Variants in EYS observed in about 807,000 individuals in gnomAD.
EYS encodes EGF-like photoreceptor maintenance factor.
A neutral mutation model predicts 282.1 loss-of-function variants in EYS; 250 were observed. The observed-to-expected ratio is 0.89, with a 90% CI of 0.80 to 0.98. The LOEUF is 0.98. Ranked by LOEUF, EYS falls within the 50% of genes least tolerant of loss-of-function variation. EYS has a pLI of 0.00. For missense variants in EYS, 4,016 were observed against 3,709.0 expected, an observed-to-expected ratio of 1.08 and a Z score of -2.15; for synonymous variants, 1,355 against 1,282.9, an observed-to-expected ratio of 1.06 and a Z score of -1.20.
intron 14 of EYS, among the ~76,000 whole-genome samples, chr6:64,956,776 A>T (rs1164340435): frequency 2.0e-5 from 3 of 152,146 alleles, no homozygotes. Flanking sequence ...ATGGGCAAAA[A>T]ATTTCAACAG....
At chr6:64,808,731 C>T (rs763680343) in intron 22 of EYS, among the ~76,000 whole-genome samples, 145 of 152,098 alleles carry the variant, frequency 9.5e-4, no homozygotes, top group Middle Eastern at 3.4e-3. Context: ...ATCTACCTAT[C>T]TTTCAAAATT....
At chr6:64,071,600 AT>A (rs1771582847) in intron 32 of EYS, among the ~76,000 whole-genome samples, 1 of 149,578 alleles carries the variant, frequency 6.7e-6, no homozygotes, top group Non-Finnish European at 1.5e-5. Context: ...TTAAAGAATA[AT>A]TTTTAAAAGG....
At chr6:65,159,090 T>A (rs1443657624) in intron 12 of EYS, among the ~76,000 whole-genome samples, 1 of 150,888 alleles carries the variant, frequency 6.6e-6, no homozygotes, top group African/African-American at 2.4e-5. Flanking sequence ...TTGGGATCTG[T>A]CTTTTATGTT....
intron 2 of EYS, among the ~76,000 whole-genome samples, chr6:65,526,730 C>T (rs868527852): frequency 9.2e-5 from 14 of 152,198 alleles, no homozygotes; most frequent in Middle Eastern, 3.4e-3. Context: ...GGCGTGAACT[C>T]GGAAGGCGAA....
At chr6:65,622,801 A>T (rs1766563120) in intron 2 of EYS, among the ~76,000 whole-genome samples, 1 of 150,154 alleles carries the variant, frequency 6.7e-6, no homozygotes, top group South Asian at 2.1e-4. Context: ...TCTGTCACCC[A>T]GGCAGGAGTA....
intron 19 of EYS, among the ~76,000 whole-genome samples, chr6:64,865,880 G>A (rs1392684813): frequency 6.6e-6 from 1 of 152,046 alleles, no homozygotes; most frequent in Non-Finnish European, 1.5e-5. Flanking sequence ...TGGATTGGAT[G>A]TGGGAATGAA....
chr6:63,895,114 T>G (rs1004545747), intron 35 of EYS, among the ~76,000 whole-genome samples: 4 of 149,348 alleles, frequency 2.7e-5, no homozygotes, highest in African/African-American at 9.9e-5. Context: ...ACCCTCACTG[T>G]CTTGCCTTTC....
intron 2 of EYS, among the ~76,000 whole-genome samples, chr6:65,623,628 G>A (rs1305264028): frequency 6.6e-6 from 1 of 152,060 alleles, no homozygotes; most frequent in South Asian, 2.1e-4. Flanking sequence ...AGCGATAAAA[G>A]GTTAGCCTGG....
intron 31 of EYS, among the ~76,000 whole-genome samples, chr6:64,161,369 A>C (rs757482526): frequency 4.6e-5 from 7 of 152,192 alleles, no homozygotes; most frequent in Non-Finnish European, 7.4e-5. Context: ...AAGGGGAAGC[A>C]AATGTTTTTC....
chr6:65,250,487 G>A (rs917017170), intron 12 of EYS, among the ~76,000 whole-genome samples: 14 of 151,882 alleles, frequency 9.2e-5, no homozygotes, highest in African/African-American at 3.1e-4. Flanking sequence ...CTAGTGAGCA[G>A]AGTAGATTTT....
At chr6:64,176,499 T>TTGTGTGTGTG (rs111683045) in intron 31 of EYS, among the ~76,000 whole-genome samples, 1 of 147,064 alleles carries the variant, frequency 6.8e-6, no homozygotes, top group East Asian at 2.0e-4. Flanking sequence ...CATATCACGA[T>TTGTGTGTGTG]TGTGTGTGTG....
chr6:64,168,058 C>T (rs879468268), intron 31 of EYS, among the ~76,000 whole-genome samples: 5 of 152,178 alleles, frequency 3.3e-5, no homozygotes, highest in Middle Eastern at 6.8e-3. Context: ...GTGAGGAGAT[C>T]GAGACCATCC....
In EYS at chr6:65,661,812, G is replaced by T. The variant is rs553654002; in HGVS notation, c.-447-21920C>A. Among the ~76,000 whole-genome samples, 4 of 152,224 alleles carry T rather than the reference G, an allele frequency of 2.6e-5. 1 individual carries two copies. The highest frequency in any genetic ancestry group is 9.6e-5 in the African/African-American group (4 of 41,572). ...AAGGAACAATACACAGTCTGGTTTGGTTAGAGAATAGAATACAAAATGGCA... is the reference window on the plus strand; with the variant it reads ...AAGGAACAATACACAGTCTGGTTTGTTTAGAGAATAGAATACAAAATGGCA... On this transcript the variant is annotated intron_variant, in intron 1 of 42. Coordinates refer to ENST00000503581, the MANE Select transcript of EYS (RefSeq NM_001142800.2).
chr6:65,013,553 G>T (rs183149236), intron 13 of EYS, among the ~76,000 whole-genome samples: 158 of 152,280 alleles, frequency 1.0e-3, no homozygotes, highest in Non-Finnish European at 1.5e-3. Flanking sequence ...CACCACTAGT[G>T]TACATACCCC....
chr6:65,243,010 C>T (rs1049764940), intron 12 of EYS, among the ~76,000 whole-genome samples: 2 of 151,860 alleles, frequency 1.3e-5, no homozygotes, highest in Non-Finnish European at 2.9e-5. Flanking sequence ...TAAATTCTGG[C>T]TAAAAGTACC....
At chr6:65,394,618 A>G (rs909228347) in intron 7 of EYS, among the ~76,000 whole-genome samples, 7 of 152,266 alleles carry the variant, frequency 4.6e-5, no homozygotes, top group South Asian at 2.1e-4. Context: ...AACACTCACA[A>G]TCAACCCACT....
chr6:65,320,807 G>A (rs931551853), intron 11 of EYS, among the ~76,000 whole-genome samples: 1 of 152,116 alleles, frequency 6.6e-6, no homozygotes, highest in Non-Finnish European at 1.5e-5. Flanking sequence ...GCCTGAAAAA[G>A]GTGGCCTTAG....
At chr6:64,331,660 ACT>A (rs1221564507) in intron 29 of EYS, among the ~76,000 whole-genome samples, 2 of 150,878 alleles carry the variant, frequency 1.3e-5, no homozygotes, top group Non-Finnish European at 2.9e-5. Context: ...TGCATTAGAG[ACT>A]CTTGTAGGAC....
At chr6:63,853,646 A>C (rs1242527499) in intron 36 of EYS, among the ~76,000 whole-genome samples, 1 of 152,192 alleles carries the variant, frequency 6.6e-6, no homozygotes, top group Non-Finnish European at 1.5e-5. Flanking sequence ...TAAATTTCAT[A>C]TGGAACCAAA....
Sources: allele counts gnomAD v4.1 joint callset (sites outside exome capture counted in the v4.1 genomes callset), GRCh38; gene constraint gnomAD v4.1.1; transcripts MANE v1.5; gene names NCBI Gene and HGNC (gene_info 2026-07-23, HGNC 2026-07-21).